The following MYO16 variants were observed in gnomAD, a reference collection of about 807,000 sequenced individuals.
MYO16 encodes unconventional myosin-XVI.
In MYO16, 94 loss-of-function variants were observed where a neutral mutation model predicts 205.3. The ratio of observed to expected loss-of-function variants is 0.46; its 90% confidence interval spans 0.39 to 0.54. MYO16 has a LOEUF of 0.54. Ranked by LOEUF, MYO16 falls within the 20% of genes least tolerant of loss-of-function variation. The pLI is 0.00. For synonymous variants in MYO16, 988 were observed against 954.0 expected (o/e 1.04, Z -0.66); for missense variants, 2,315 against 2,387.5 (o/e 0.97, Z 0.63).
intron 1 of MYO16, among the ~76,000 whole-genome samples, chr13:108,656,801 C>T (rs1347682050): frequency 6.6e-6 from 1 of 152,218 alleles, no homozygotes; most frequent in Non-Finnish European, 1.5e-5. Context: ...TCACCAGAAT[C>T]CGCTTCATTC....
the MYO16 span, among the ~76,000 whole-genome samples, chr13:108,578,680 C>A: frequency 1.4e-4 from 21 of 152,252 alleles, no homozygotes; most frequent in Non-Finnish European, 2.6e-4. Flanking sequence ...TCCTGGTGCC[C>A]ATACATTTCT....
rs150733713 is a variant in MYO16 at position 109,022,707 on chromosome 13, A to G, written c.2796+2796A>G. Among the ~76,000 whole-genome samples, 67 of 100,794 alleles carry G rather than the reference A, an allele frequency of 6.6e-4. 8 individuals carry two copies. Among genetic ancestry groups the G allele is most frequent in the African/African-American group, 2.4e-3 (65 of 26,884 alleles). 66.1% of individuals were successfully genotyped at this position (100,794 alleles called of 152,430 possible). ...ATAAACATGTATATATTTATATATT[A>G]TATATACGCATATAAACATATGTAT... is the stretch of plus-strand genomic sequence containing the variant. On this transcript the variant is annotated intron_variant, in intron 23 of 34. Transcript: ENST00000457511.
At chr13:108,560,665 G>A in the MYO16 span, among the ~76,000 whole-genome samples, 8 of 151,998 alleles carry the variant, frequency 5.3e-5, no homozygotes, top group South Asian at 2.1e-4. Flanking sequence ...AGTTAAACTG[G>A]TGTTATTTGC....
chr13:108,523,218 G>A, the MYO16 span, among the ~76,000 whole-genome samples: 1 of 152,134 alleles, frequency 6.6e-6, no homozygotes, highest in Admixed American at 6.5e-5. Flanking sequence ...AAGAGCATGT[G>A]GACCTTGGTC....
chr13:108,854,817 G>T (rs1480694046), intron 10 of MYO16, among the ~76,000 whole-genome samples: 1 of 152,044 alleles, frequency 6.6e-6, no homozygotes, highest in Middle Eastern at 3.2e-3. Flanking sequence ...TTGAAATGTT[G>T]CAGTCTTTAA....
In MYO16 at chr13:108,812,170, T is replaced by C. The variant is rs2787079; in HGVS notation, c.867+5366T>C. ...GAGATGTCACTTCACTGGCCGTCTT[T>C]CCTAATGCTCGGAATTTGCATATGA... On this transcript the variant is annotated intron_variant, in intron 7 of 34. Coordinates refer to ENST00000457511, the MANE Select transcript of MYO16 (RefSeq NM_001198950.3). Among the ~76,000 whole-genome samples, 345 of 152,310 alleles carry C rather than the reference T, an allele frequency of 2.3e-3. 6 individuals are homozygous for C. Among genetic ancestry groups the C allele is most frequent in the African/African-American group, 7.0e-3 (291 of 41,570 alleles).
intron 15 of MYO16, 149 bp downstream of exon 15, chr13:108,898,282 A>G (rs1880528270): frequency 3.0e-6 from 2 of 667,384 alleles, no homozygotes; most frequent in Non-Finnish European, 5.2e-6. Flanking sequence ...ACAGCTTAAG[A>G]TACTTCTGGA....
intron 14 of MYO16, among the ~76,000 whole-genome samples, chr13:108,889,474 G>T (rs1316966388): frequency 6.6e-6 from 1 of 152,170 alleles, no homozygotes; most frequent in Admixed American, 6.5e-5. Context: ...TTTGTTAAAA[G>T]GTTTGTTCAG....
intron 16 of MYO16, among the ~76,000 whole-genome samples, chr13:108,939,464 G>C (rs1472004243): frequency 6.6e-6 from 1 of 152,034 alleles, no homozygotes; most frequent in East Asian, 1.9e-4. Flanking sequence ...CAGGATTTGG[G>C]GTGTCTTCAC....
intron 2 of MYO16, among the ~76,000 whole-genome samples, chr13:108,700,678 G>T (rs986039812): frequency 1.3e-5 from 2 of 152,086 alleles, no homozygotes; most frequent in Non-Finnish European, 2.9e-5. Flanking sequence ...CTTTTCCCTG[G>T]GGCATTTGTA....
rs1193295274 is a variant in MYO16, at chr13:108,698,188, C to T, written c.293-14473C>T. ...AAATTTCCAGCTGGAGAATCCATCACGCCCAACTGGGGTCAGATGTCCAGG... is the reference window on the plus strand; with the variant it reads ...AAATTTCCAGCTGGAGAATCCATCATGCCCAACTGGGGTCAGATGTCCAGG... On this transcript the variant is annotated intron_variant, in intron 2 of 34. Transcript: ENST00000457511. Among the ~76,000 whole-genome samples the T allele has an allele frequency of 3.9e-5, 6 of 152,208 alleles. No homozygotes were observed. In the East Asian group the frequency reaches 5.8e-4, roughly 15 times the overall value.
At chr13:108,661,688 C>A (rs1418235770) in intron 1 of MYO16, among the ~76,000 whole-genome samples, 3 of 152,046 alleles carry the variant, frequency 2.0e-5, no homozygotes, top group African/African-American at 7.2e-5. Context: ...CCTTTCATTT[C>A]TCATATCAGT....
intron 10 of MYO16, among the ~76,000 whole-genome samples, chr13:108,849,952 T>C (rs1594342601): frequency 6.6e-6 from 1 of 151,280 alleles, no homozygotes; most frequent in African/African-American, 2.4e-5. Flanking sequence ...CCAAATCCTG[T>C]TGAATTTCCT....
Position 109,046,963 on chromosome 13 carries a change from T to G in MYO16, c.2844T>G (p.Leu948=), listed in dbSNP as rs747191724. 2 of 1,611,824 alleles carry G rather than the reference T, an allele frequency of 1.2e-6. No individual in the cohort carries two copies. The highest frequency in any genetic ancestry group is 1.7e-6 in the Non-Finnish European group (2 of 1,178,148). ...VGAIEKNKDS[L]SQNLLFVMKT... ...CGATTGAAAAAAATAAAGACTCCCTTTCACAGAATCTTCTATTTGTAATGA... is the reference window on the plus strand; with the variant it reads ...CGATTGAAAAAAATAAAGACTCCCTGTCACAGAATCTTCTATTTGTAATGA... The change falls in exon 24 of 35, where the codon CTT becomes CTG. Residue 948 remains leucine (L), a synonymous_variant. Transcript: ENST00000457511.
chr13:108,913,136 C>G (rs962398644), intron 16 of MYO16, among the ~76,000 whole-genome samples: 20 of 152,088 alleles, frequency 1.3e-4, no homozygotes, highest in African/African-American at 4.8e-4. Context: ...TTAGGAAGAT[C>G]GTGAATAATT....
chr13:108,874,707 T>C (rs1176477450), intron 12 of MYO16, among the ~76,000 whole-genome samples: 3 of 114,588 alleles, frequency 2.6e-5, no homozygotes, highest in African/African-American at 8.7e-5. Context: ...ATTATTATTA[T>C]TATTATTATT....
intron 4 of MYO16, among the ~76,000 whole-genome samples, chr13:108,731,717 A>G (rs1279282596): frequency 1.3e-5 from 2 of 152,214 alleles, no homozygotes; most frequent in Non-Finnish European, 2.9e-5. Context: ...CTAACCAATC[A>G]TCATCTTCAT....
rs566208490 is a variant in MYO16, at chr13:109,169,077, A to G, written c.5323+4018A>G. Reference sequence around the variant, plus strand: ...TCTATTATTCCACACTCTGTGCCCAAGTGTACACGTTATTTAGCTCCCACT... The same window carrying G: ...TCTATTATTCCACACTCTGTGCCCAGGTGTACACGTTATTTAGCTCCCACT... On this transcript the variant is annotated intron_variant, in intron 33 of 34. Transcript: ENST00000457511. 3.4e-4 allele frequency among the ~76,000 whole-genome samples: 52 copies of G among 152,182 alleles called. No individual in the cohort carries two copies. The East Asian group carries it at 4.1e-3, about 12-fold the overall frequency.
At chr13:108,873,517 T>C (rs1879165114) in intron 12 of MYO16, among the ~76,000 whole-genome samples, 1 of 152,246 alleles carries the variant, frequency 6.6e-6, no homozygotes, top group African/African-American at 2.4e-5. Flanking sequence ...ACAGCAGTGC[T>C]GATCTGACAC....
Sources: allele counts gnomAD v4.1 joint callset (sites outside exome capture counted in the v4.1 genomes callset), GRCh38; gene constraint gnomAD v4.1.1; transcripts MANE v1.5; gene names NCBI Gene and HGNC (gene_info 2026-07-23, HGNC 2026-07-21).